The following FHIT variants were observed in gnomAD, a reference collection of about 807,000 sequenced individuals.
FHIT encodes bis(5'-adenosyl)-triphosphatase.
A neutral mutation model predicts 17.9 loss-of-function variants in FHIT; 19 were observed. That is an observed-to-expected ratio of 1.06 (90% confidence interval 0.74 to 1.56). FHIT has a LOEUF of 1.56. Among genes scored for constraint, FHIT ranks in the 40% most tolerant of loss-of-function variants. The pLI is 0.00. For synonymous variants in FHIT, 81 were observed against 69.7 expected, an observed-to-expected ratio of 1.16 and a Z score of -0.81; for missense variants, 248 against 189.2, an observed-to-expected ratio of 1.31 and a Z score of -1.82.
chr3:60,832,533 C>A (rs546572829), intron 3 of FHIT, among the ~76,000 whole-genome samples: 5 of 152,114 alleles, frequency 3.3e-5, no homozygotes, highest in Admixed American at 3.3e-4. Flanking sequence ...ACTGTCATTC[C>A]GCAGATTGTG....
intron 4 of FHIT, among the ~76,000 whole-genome samples, chr3:60,589,600 C>T (rs568992927): frequency 4.6e-5 from 7 of 152,012 alleles, no homozygotes; most frequent in East Asian, 1.9e-4. Flanking sequence ...TTGTCCACGT[C>T]GGGGGATATA....
rs1699582801 is a variant in FHIT, at chr3:59,791,996, G to T, written c.349-39675C>A. On this transcript the variant is annotated intron_variant, in intron 8 of 9. Transcript: ENST00000492590. ...CATGCCTGGTTTTAATCATGGCTAT[G>T]GTAGTCTATGTCTTGGTTTTAATCA... is the stretch of plus-strand genomic sequence containing the variant. Among the ~76,000 whole-genome samples the T allele has an allele frequency of 5.6e-5, 3 of 53,770 alleles. No homozygotes were observed. The Admixed American group carries it at 7.3e-4, about 13-fold the overall frequency. The allele number at this position is 53,770 out of a possible 152,430, so 35.3% of individuals were successfully genotyped here.
intron 2 of FHIT, among the ~76,000 whole-genome samples, chr3:61,056,121 T>C (rs989905245): frequency 2.0e-5 from 3 of 152,224 alleles, no homozygotes; most frequent in Non-Finnish European, 4.4e-5. Flanking sequence ...GGGGACAGTT[T>C]TTAAAATGAG....
intron 5 of FHIT, among the ~76,000 whole-genome samples, chr3:60,304,206 A>G (rs1300842764): frequency 1.3e-5 from 2 of 149,856 alleles, no homozygotes. Context: ...ATGCCTGTGA[A>G]CACACTAGCA....
intron 3 of FHIT, among the ~76,000 whole-genome samples, chr3:60,945,884 G>C (rs1708620057): frequency 6.6e-6 from 1 of 152,156 alleles, no homozygotes; most frequent in African/African-American, 2.4e-5. Flanking sequence ...TTCTCAGAAA[G>C]TAGAAGTATT....
intron 5 of FHIT, among the ~76,000 whole-genome samples, chr3:60,093,122 TTCTTA>T (rs1703798713): frequency 6.6e-6 from 1 of 152,102 alleles, no homozygotes; most frequent in South Asian, 2.1e-4. Flanking sequence ...CCACACCACT[TTCTTA>T]TCTTGCTCTT....
At chr3:60,523,514 C>A (rs1009875778) in intron 5 of FHIT, among the ~76,000 whole-genome samples, 1 of 152,066 alleles carries the variant, frequency 6.6e-6, no homozygotes, top group Non-Finnish European at 1.5e-5. Context: ...TAGAGATCTA[C>A]AAAAGGGCAT....
At chr3:60,753,408 A>T (rs1553717433) in intron 4 of FHIT, among the ~76,000 whole-genome samples, 4 of 152,170 alleles carry the variant, frequency 2.6e-5, no homozygotes, top group Non-Finnish European at 5.9e-5. Flanking sequence ...AGGGAGAGAA[A>T]TGGCTGGCAG....
At chr3:60,529,906 C>T (rs992557845) in intron 5 of FHIT, among the ~76,000 whole-genome samples, 2 of 152,264 alleles carry the variant, frequency 1.3e-5, no homozygotes, top group South Asian at 2.1e-4. Flanking sequence ...TACACATTAA[C>T]AGAATTACAT....
chr3:60,212,615 C>T (rs147241355), intron 5 of FHIT, among the ~76,000 whole-genome samples: 3 of 152,062 alleles, frequency 2.0e-5, no homozygotes, highest in Non-Finnish European at 4.4e-5. Context: ...TGTTTAAGCA[C>T]TAAAATAACA....
chr3:60,849,011 T>C (rs1287301988), intron 3 of FHIT, among the ~76,000 whole-genome samples: 1 of 152,160 alleles, frequency 6.6e-6, no homozygotes, highest in Non-Finnish European at 1.5e-5. Flanking sequence ...TGAGCCTCTA[T>C]TTCAGAAAAT....
At chr3:60,934,331 T>C (rs1438826525) in intron 3 of FHIT, among the ~76,000 whole-genome samples, 2 of 151,582 alleles carry the variant, frequency 1.3e-5, no homozygotes, top group Non-Finnish European at 2.9e-5. Context: ...CACCTGGAAA[T>C]TGGAAAGAAC....
chr3:61,083,403 C>A (rs1196540110), intron 2 of FHIT, among the ~76,000 whole-genome samples: 16 of 152,138 alleles, frequency 1.1e-4, no homozygotes, highest in African/African-American at 3.1e-4. Context: ...ATCCTGGCTA[C>A]CACGGTGAAA....
chr3:61,034,086 C>A (rs987687203), intron 3 of FHIT, among the ~76,000 whole-genome samples: 1 of 152,122 alleles, frequency 6.6e-6, no homozygotes, highest in Non-Finnish European at 1.5e-5. Flanking sequence ...AAGCTGGACC[C>A]CTTCCTCACA....
At chr3:60,521,193 C>T (rs899171623) in intron 5 of FHIT, among the ~76,000 whole-genome samples, 3 of 151,886 alleles carry the variant, frequency 2.0e-5, no homozygotes, top group Non-Finnish European at 4.4e-5. Flanking sequence ...TTCCAAGACC[C>T]ATGCTCTTGA....
intron 5 of FHIT, among the ~76,000 whole-genome samples, chr3:60,179,246 T>C (rs1290615150): frequency 6.6e-6 from 1 of 152,150 alleles, no homozygotes; most frequent in African/African-American, 2.4e-5. Context: ...AAAACCAAAG[T>C]TCATAGATGC....
At chr3:61,152,152 G>T (rs961633415) in intron 2 of FHIT, among the ~76,000 whole-genome samples, 9 of 152,096 alleles carry the variant, frequency 5.9e-5, no homozygotes, top group African/African-American at 2.2e-4. Flanking sequence ...ATCTAATTTG[G>T]GGCAGAGACT....
chr3:59,881,723 A>G (rs1277984503), intron 8 of FHIT, among the ~76,000 whole-genome samples: 1 of 152,244 alleles, frequency 6.6e-6, no homozygotes, highest in Admixed American at 6.5e-5. Context: ...TAATACAAGA[A>G]GAGGCTAAAA....
intron 8 of FHIT, among the ~76,000 whole-genome samples, chr3:59,819,634 A>G (rs1700721810): frequency 6.6e-6 from 1 of 152,188 alleles, no homozygotes. Context: ...ATATTTGCAC[A>G]CATCTAAATA....
Sources: allele counts gnomAD v4.1 joint callset (sites outside exome capture counted in the v4.1 genomes callset), GRCh38; gene constraint gnomAD v4.1.1; transcripts MANE v1.5; gene names NCBI Gene and HGNC (gene_info 2026-07-23, HGNC 2026-07-21).